Variants in EEF1D observed in about 807,000 individuals in gnomAD.
EEF1D encodes elongation factor 1-delta.
EEF1D carries 47 observed loss-of-function variants against 63.9 expected under a neutral mutation model. The observed-to-expected ratio is 0.74, with a 90% CI of 0.58 to 0.94. EEF1D has a LOEUF of 0.94. EEF1D is among the 40% of genes least tolerant of loss of function. The pLI, the probability that EEF1D is intolerant of heterozygous loss-of-function variation, is 0.00. For synonymous variants in EEF1D, 412 were observed against 386.1 expected, an observed-to-expected ratio of 1.07 and a Z score of -0.79; for missense variants, 907 against 899.0, an observed-to-expected ratio of 1.01 and a Z score of -0.11.
rs779748464 is a variant in EEF1D, at chr8:143,589,847, C to A, written c.235G>T (p.Asp79Tyr). ...GSRRDPRKSQ[D>Y]SRKPLQKKRK... ...TTTTTCTGCAGGGGCTTCCTGCTGTCCTGGCTCTTCCTGGGATCACGCCTG... is the reference window on the plus strand; with the variant it reads ...TTTTTCTGCAGGGGCTTCCTGCTGTACTGGCTCTTCCTGGGATCACGCCTG... Residue 79 changes from aspartate (D) to tyrosine (Y), a missense_variant, in exon 3 of 10, where the codon GAC (aspartate) becomes TAC (tyrosine). Physicochemically the swap from Asp to Tyr is radical, Grantham distance 160. Coordinates refer to ENST00000618139, the MANE Select transcript of EEF1D (RefSeq NM_001130053.5). 1 of 1,603,718 alleles carries A rather than the reference C, an allele frequency of 6.2e-7. No individual in the cohort carries two copies. The highest frequency in any genetic ancestry group is 1.7e-5 in the Admixed American group (1 of 59,500).
At chr8:143,586,172 G>A in intron 5 of EEF1D, 47 bp downstream of exon 5, 2 of 1,561,986 alleles carry the variant, frequency 1.3e-6, no homozygotes, top group Non-Finnish European at 1.7e-6. Flanking sequence ...CAGACATGCT[G>A]CTTGGCCGAG....
chr8:143,591,740 C>T (rs1163476671), intron 2 of EEF1D, among the ~76,000 whole-genome samples: 1 of 152,258 alleles, frequency 6.6e-6, no homozygotes, highest in African/African-American at 2.4e-5. Context: ...AGGCAGCCTT[C>T]GGTCAAGAGC....
rs751632619 is a variant in EEF1D, at chr8:143,589,448, G to A, written c.634C>T (p.Pro212Ser). The part of the protein sequence containing the change: ...QVAVPDLAHQ[P>S]SPPVNGQPPL... The stretch of plus-strand genomic sequence containing the variant: ...GGCTGGCCATTGACCGGTGGGCTGG[G>A]CTGGTGGGCCAGGTCGGGGACGGCC... Residue 212 changes from proline to serine, a missense_variant, in exon 3 of 10, where the codon CCC becomes TCC. Transcript: ENST00000618139. 1.3e-6 allele frequency: 2 copies of A among 1,531,864 alleles called. No individual in the cohort carries two copies. The highest frequency in any genetic ancestry group is 1.8e-6 in the Non-Finnish European group (2 of 1,134,988). The allele number at this position is 1,531,864 out of a possible 1,614,324, so 94.9% of individuals were successfully genotyped here.
At chr8:143,591,641 G>A (rs183614160) in intron 2 of EEF1D, among the ~76,000 whole-genome samples, 284 of 152,366 alleles carry the variant, frequency 1.9e-3, no homozygotes, top group Non-Finnish European at 3.2e-3. Context: ...TGCCTCCGCA[G>A]GTGTGTCTAG....
intron 5 of EEF1D, chr8:143,582,209 C>T (rs1825695844): frequency 6.6e-6 from 1 of 152,392 alleles, no homozygotes; most frequent in African/African-American, 2.4e-5. Flanking sequence ...TCCTTGGGAC[C>T]ATGCTGTGGG....
At chr8:143,596,800 T>C (rs951088176) in intron 1 of EEF1D, 1 of 152,294 alleles carries the variant, frequency 6.6e-6, no homozygotes, top group African/African-American at 2.4e-5. Context: ...CTTCAGAGAC[T>C]GCCCGACCAC....
chr8:143,580,257 A>C, intron 8 of EEF1D, 51 bp from the exon 9 acceptor site: 1 of 1,573,566 alleles, frequency 6.4e-7, no homozygotes. Flanking sequence ...CAGAACACCC[A>C]GGAAGTACCT....
At chr8:143,584,533 C>T (rs1017972361) in intron 5 of EEF1D, among the ~76,000 whole-genome samples, 2 of 152,164 alleles carry the variant, frequency 1.3e-5, no homozygotes, top group African/African-American at 4.8e-5. Flanking sequence ...TGCCACTGTA[C>T]TCCAGCCTGG....
In EEF1D at chr8:143,589,456, GC is replaced by G; in HGVS notation, c.625del (p.Ala209ProfsTer76). 6.5e-7 allele frequency: 1 copy of G among 1,529,814 alleles called. No individual in the cohort carries two copies. Among genetic ancestry groups the G allele is most frequent in the South Asian group, 1.2e-5 (1 of 81,388 alleles). 94.8% of individuals were successfully genotyped at this position (1,529,814 alleles called of 1,614,324 possible). A position where few individuals can be genotyped will look rare whatever the true frequency, so the allele number is the denominator to read the frequency against. ...ATTGACCGGTGGGCTGGGCTGGTGG[GC>G]CAGGTCGGGGACGGCCACCTGCTGG... ...TGQQVAVPDL[A>X]HQPSPPVNGQ... On this transcript the variant is annotated frameshift_variant, in exon 3 of 10. Transcript: ENST00000618139. LOFTEE classifies it high-confidence loss of function.
chr8:143,588,746 A>T, intron 3 of EEF1D: 1 of 575,272 alleles, frequency 1.7e-6, no homozygotes, highest in Non-Finnish European at 3.0e-6. Context: ...CCCTGTGCTG[A>T]GCCCTTCCCT....
intron 2 of EEF1D, chr8:143,592,022 C>A: frequency 1.0e-6 from 1 of 984,904 alleles, no homozygotes; most frequent in South Asian, 4.7e-5. Flanking sequence ...TGGGAGGCCA[C>A]AGGGCCCATG....
At chr8:143,583,592 G>A (rs4874157) in intron 5 of EEF1D, 21,621 of 152,268 alleles carry the variant, frequency 0.14, 1,972 homozygotes, top group East Asian at 0.36. Context: ...CAGAACGCAA[G>A]GCACAAAGGA....
rs555092425 is a variant in EEF1D at position 143,590,243 on chromosome 8, C to G, written c.1-162G>C. On this transcript the variant is annotated intron_variant, in intron 2 of 9. Coordinates refer to ENST00000618139, the MANE Select transcript of EEF1D (RefSeq NM_001130053.5). Reference sequence around the variant, plus strand: ...AGTGGGGCTTCCATGAGATGACATTCGAGGACTTCGAAGTCAAGCCCATGT... The same window carrying G: ...AGTGGGGCTTCCATGAGATGACATTGGAGGACTTCGAAGTCAAGCCCATGT... 3.8e-6 allele frequency: 4 copies of G among 1,063,676 alleles called. No homozygotes were observed. The African/African-American group carries it at 4.8e-5, about 13-fold the overall frequency. 65.9% of individuals were successfully genotyped at this position (1,063,676 alleles called of 1,614,324 possible). A position where few individuals can be genotyped will look rare whatever the true frequency, so the allele number is the denominator to read the frequency against.
intron 8 of EEF1D, 124 bp from the exon 9 acceptor site, chr8:143,580,330 AAAC>A: frequency 7.9e-7 from 1 of 1,270,514 alleles, no homozygotes; most frequent in East Asian, 2.5e-5. Context: ...GGCCCACAGA[AAAC>A]AATCCAAATT....
Position 143,589,321 on chromosome 8 carries a change from T to C in EEF1D, c.761A>G (p.His254Arg). ...TTGCAGGCGCACCTTCCCTGGGGGA[T>C]GGCCGTCAAACAGGGCCTCGTAGAA... Reference protein sequence around the residue: ...RGFYEALFDGHPPGKVRLQER... With the variant: ...RGFYEALFDGRPPGKVRLQER... The change falls in exon 3 of 10, where the codon CAT (histidine) becomes CGT (arginine). Residue 254 changes from histidine to arginine, a missense_variant. His to Arg is a conservative substitution (Grantham distance 29, BLOSUM62 0). Transcript: ENST00000618139. 3.2e-6 allele frequency: 5 copies of C among 1,586,068 alleles called. No homozygotes were observed. The highest frequency in any genetic ancestry group is 4.3e-6 in the Non-Finnish European group (5 of 1,165,536).
In EEF1D at chr8:143,580,712, G is replaced by A. The variant is rs200932360; in HGVS notation, c.1504C>T (p.Arg502Cys). The A allele has an allele frequency of 7.9e-5, 127 of 1,613,166 alleles. No individual in the cohort carries two copies. The highest frequency in any genetic ancestry group is 2.3e-4 in the Admixed American group (14 of 60,008). ...APQTQHVSPM[R>C]QVEPPAKKPA... ...TTCTTGGCTGGGGGCTCCACTTGGC[G>A]CATGGGAGATACGTGCTGCCACAGG... The change falls in exon 8 of 10, where the codon CGC becomes TGC. Residue 502 changes from arginine (R) to cysteine (C), a missense_variant. Arg to Cys is a radical substitution (Grantham distance 180). Coordinates refer to ENST00000618139, the MANE Select transcript of EEF1D (RefSeq NM_001130053.5).
chr8:143,581,164 C>CA lies in EEF1D; in HGVS notation c.1388-11dup, dbSNP rs1825455188. ...TGCAGCTCCTGTACCACTGGGGGGG[C>CA]AAGGGGAGCACGGTTAGATGGCAGG... On this transcript the variant is annotated splice_polypyrimidine_tract_variant and intron_variant, in intron 6 of 9. Transcript: ENST00000618139. The CA allele has an allele frequency of 6.2e-6, 10 of 1,612,764 alleles. No homozygotes were observed. Among genetic ancestry groups the CA allele is most frequent in the Non-Finnish European group, 8.5e-6 (10 of 1,179,926 alleles).
rs906208053 is a variant in EEF1D at position 143,591,943 on chromosome 8, G to A, written c.-1+704C>T. 17 of 786,536 alleles carry A rather than the reference G, an allele frequency of 2.2e-5. No individual in the cohort carries two copies. The Admixed American group carries it at 3.1e-4, about 14-fold the overall frequency. The allele number at this position is 786,536 out of a possible 1,614,324, so 48.7% of individuals were successfully genotyped here. A position where few individuals can be genotyped will look rare whatever the true frequency, so the allele number is the denominator to read the frequency against. ...CTAAGTGGAACATGGAGTTCTTTGC[G>A]GGCATGTGGCCCGAATCCCGCAGTC... On this transcript the variant is annotated intron_variant, in intron 2 of 9. Transcript: ENST00000618139.
At chr8:143,579,952 A>C in intron 9 of EEF1D, 60 bp downstream of exon 9, 2 of 1,576,578 alleles carry the variant, frequency 1.3e-6, no homozygotes, top group South Asian at 2.3e-5. Context: ...GGTGGAGTGC[A>C]GGGTATGGGC....
Sources: gnomAD v4.1 joint callset for allele counts (sites outside exome capture counted in the v4.1 genomes callset) on GRCh38, gnomAD v4.1.1 for gene constraint, MANE v1.5 for transcripts, NCBI Gene and HGNC (gene_info 2026-07-23, HGNC 2026-07-21) for gene names.